Variants in RFX7 observed in about 807,000 individuals in gnomAD.
RFX7 encodes regulatory factor X7.
RFX7 carries 26 observed loss-of-function variants against 111.8 expected under a neutral mutation model. The ratio of observed to expected loss-of-function variants is 0.23; its 90% CI spans 0.17 to 0.32. RFX7 has a LOEUF of 0.32. Among genes scored for constraint, RFX7 ranks in the 10% least tolerant of loss-of-function variants. RFX7 has a pLI of 1.00. For synonymous variants in RFX7, 624 were observed against 624.4 expected (o/e 1.00, Z 0.01); for missense variants, 1,573 against 1,772.9 (o/e 0.89, Z 2.02).
chr15:56,124,619 G>C (rs2042119632), intron 5 of RFX7, among the ~76,000 whole-genome samples: 1 of 152,136 alleles, frequency 6.6e-6, no homozygotes, highest in Non-Finnish European at 1.5e-5. Context: ...GTGATGTTGA[G>C]CATTTTTCCA....
chr15:56,158,901 T>C (rs2042686265), intron 3 of RFX7, among the ~76,000 whole-genome samples: 1 of 152,198 alleles, frequency 6.6e-6, no homozygotes, highest in Admixed American at 6.5e-5. Context: ...ATTGTTATAA[T>C]AGACACCATT....
chr15:56,139,810 C>T (rs2042362169), intron 5 of RFX7, among the ~76,000 whole-genome samples: 1 of 152,112 alleles, frequency 6.6e-6, no homozygotes, highest in African/African-American at 2.4e-5. Context: ...GATGTCCTTT[C>T]TGTTTGTTAG....
intron 3 of RFX7, chr15:56,179,049 A>G (rs2042934128): frequency 5.5e-6 from 1 of 180,908 alleles, no homozygotes; most frequent in Non-Finnish European, 1.2e-5. Flanking sequence ...ATTCAAAAAC[A>G]TGTAATTACC....
At chr15:56,108,895 C>T (rs2041866969) in intron 5 of RFX7, among the ~76,000 whole-genome samples, 1 of 152,204 alleles carries the variant, frequency 6.6e-6, no homozygotes. Context: ...CATTCCTATA[C>T]ATCAATAGAC....
chr15:56,118,826 T>G (rs755734794), intron 5 of RFX7, among the ~76,000 whole-genome samples: 33 of 152,236 alleles, frequency 2.2e-4, no homozygotes, highest in Non-Finnish European at 4.6e-4. Flanking sequence ...TGTATGAAGG[T>G]TTCCTTTCCT....
chr15:56,139,531 A>T (rs1595957920), intron 5 of RFX7, among the ~76,000 whole-genome samples: 1 of 152,104 alleles, frequency 6.6e-6, no homozygotes, highest in East Asian at 1.9e-4. Flanking sequence ...ATGTTTTTCA[A>T]AGTTTTCAAC....
At chr15:56,172,417 G>A (rs1055070302) in intron 3 of RFX7, among the ~76,000 whole-genome samples, 27 of 152,222 alleles carry the variant, frequency 1.8e-4, no homozygotes, top group African/African-American at 6.0e-4. Flanking sequence ...AACTATTCAT[G>A]AGAATAGGCT....
intron 2 of RFX7, among the ~76,000 whole-genome samples, chr15:56,184,193 ATTTTT>A (rs35880948): frequency 2.5e-5 from 2 of 80,732 alleles, no homozygotes; most frequent in African/African-American, 5.0e-5. Flanking sequence ...CTAATTTTGT[ATTTTT>A]TTTTTTTTTT....
At chr15:56,168,906 A>C (rs139386543) in intron 3 of RFX7, among the ~76,000 whole-genome samples, 6 of 152,120 alleles carry the variant, frequency 3.9e-5, no homozygotes, top group African/African-American at 1.4e-4. Flanking sequence ...AGAGACTAGG[A>C]CTCTGGTGGC....
At chr15:56,171,667 A>G (rs1401243218) in intron 3 of RFX7, among the ~76,000 whole-genome samples, 1 of 152,222 alleles carries the variant, frequency 6.6e-6, no homozygotes, top group Non-Finnish European at 1.5e-5. Flanking sequence ...GAAGTCTAAA[A>G]TAATCAATTT....
rs557521592 is a variant in RFX7, at chr15:56,226,666, C to G, written c.161+16459G>C. Among the ~76,000 whole-genome samples, 6 of 152,260 alleles carry G rather than the reference C, an allele frequency of 3.9e-5. No homozygotes were observed. In the South Asian group the frequency reaches 1.0e-3, roughly 26 times the overall value. On this transcript the variant is annotated intron_variant, in intron 2 of 9. Coordinates refer to ENST00000559447, the MANE Select transcript of RFX7 (RefSeq NM_022841.7). ...GCAAAGATGGAATAAGAAAGTAATA[C>G]AGAGAGAAAATTGTAAATACTTAAG...
At chr15:56,140,771 A>G (rs1417016128) in intron 5 of RFX7, among the ~76,000 whole-genome samples, 1 of 152,238 alleles carries the variant, frequency 6.6e-6, no homozygotes, top group Non-Finnish European at 1.5e-5. Context: ...TTTTTTAGAA[A>G]AAAAATCATA....
At chr15:56,096,742 T>C in intron 9 of RFX7, 122 bp from the exon 10 acceptor site, 2 of 1,102,808 alleles carry the variant, frequency 1.8e-6, no homozygotes, top group Non-Finnish European at 2.5e-6. Flanking sequence ...AAAGTTCCTA[T>C]GTTAGAAGAG....
chr15:56,107,657 A>G (rs138374937), intron 5 of RFX7, among the ~76,000 whole-genome samples: 5 of 152,180 alleles, frequency 3.3e-5, no homozygotes, highest in African/African-American at 1.2e-4. Flanking sequence ...AGTTTTATTA[A>G]ACATATTTTA....
At chr15:56,191,463 G>GT (rs1461059453) in intron 2 of RFX7, among the ~76,000 whole-genome samples, 4 of 152,068 alleles carry the variant, frequency 2.6e-5, no homozygotes, top group Non-Finnish European at 5.9e-5. Context: ...AAAAATACAC[G>GT]TATCACTCAA....
chr15:56,177,290 A>T (rs34401800), intron 3 of RFX7, among the ~76,000 whole-genome samples: 19,785 of 152,102 alleles, frequency 0.13, 1,687 homozygotes, highest in East Asian at 0.44. Context: ...TGGCCACCCT[A>T]TCTAAGGTTA....
intron 5 of RFX7, among the ~76,000 whole-genome samples, chr15:56,121,796 C>G (rs2140968110): frequency 6.6e-6 from 1 of 152,194 alleles, no homozygotes; most frequent in South Asian, 2.1e-4. Flanking sequence ...TTGATCAATT[C>G]TGCAAGTAAG....
chr15:56,101,059 AAC>A (rs1431588197), intron 8 of RFX7, among the ~76,000 whole-genome samples: 1 of 152,226 alleles, frequency 6.6e-6, no homozygotes, highest in Non-Finnish European at 1.5e-5. Flanking sequence ...AGTACATATA[AAC>A]ACATTCTATA....
chr15:56,168,426 T>C (rs1201103177), intron 3 of RFX7, among the ~76,000 whole-genome samples: 5 of 152,206 alleles, frequency 3.3e-5, no homozygotes, highest in African/African-American at 1.2e-4. Flanking sequence ...ACTAGGGATA[T>C]AGAGACATAA....
Sources: allele counts gnomAD v4.1 joint callset (sites outside exome capture counted in the v4.1 genomes callset), GRCh38; gene constraint gnomAD v4.1.1; transcripts MANE v1.5; gene names NCBI Gene and HGNC (gene_info 2026-07-23, HGNC 2026-07-21).